The following LRRC42 variants were observed in gnomAD, a reference collection of about 807,000 sequenced individuals.
The protein encoded by LRRC42 is leucine rich repeat containing 42.
LRRC42 carries 43 observed loss-of-function variants against 44.3 expected under a neutral mutation model. The observed-to-expected ratio is 0.97, with a 90% CI of 0.76 to 1.25. The LOEUF is 1.25. LRRC42 is among the 50% of genes most tolerant of loss of function. The pLI, the probability that LRRC42 is intolerant of heterozygous loss-of-function variation, is 0.00. For synonymous variants in LRRC42, 207 were observed against 195.2 expected, an observed-to-expected ratio of 1.06 and a Z score of -0.50; for missense variants, 540 against 509.1, an observed-to-expected ratio of 1.06 and a Z score of -0.58.
chr1:53,951,887 G>A (rs962936764), intron 2 of LRRC42, 99 bp from the exon 3 acceptor site: 2 of 984,192 alleles, frequency 2.0e-6, no homozygotes, highest in Non-Finnish European at 1.5e-6. Flanking sequence ...CACCAGGCCT[G>A]CCTGGTAGGC....
At chr1:53,947,979 A>G (rs958480654) in intron 2 of LRRC42, 158 bp downstream of exon 2, 1 of 152,164 alleles carries the variant, frequency 6.6e-6, no homozygotes, top group African/African-American at 2.4e-5. Flanking sequence ...GCTCTGTTCT[A>G]GAGTAAGTTA....
At chr1:53,966,484 C>A in intron 8 of LRRC42, 104 bp downstream of exon 8, 1 of 746,376 alleles carries the variant, frequency 1.3e-6, no homozygotes, top group Non-Finnish European at 2.4e-6. Context: ...ATAGTATTGG[C>A]TTATTTATGA....
intron 3 of LRRC42, among the ~76,000 whole-genome samples, chr1:53,953,037 T>C (rs868629464): frequency 3.8e-4 from 58 of 152,380 alleles, no homozygotes; most frequent in Middle Eastern, 3.4e-3. Flanking sequence ...TTTACCGTCA[T>C]GTAAAAACAC....
intron 3 of LRRC42, among the ~76,000 whole-genome samples, chr1:53,956,291 T>G (rs1270661619): frequency 1.3e-5 from 2 of 152,258 alleles, no homozygotes; most frequent in Non-Finnish European, 2.9e-5. Context: ...TCCCTTGTGT[T>G]GAAACCCCAG....
At position 53,966,289 on chromosome 1, in the gene LRRC42, G is replaced by A. The variant is rs1655126661; in HGVS notation, c.928-7G>A. ...TTTGGATTCAAATCTTTCCAAATATGTTTCAGATCGTTCTGCAGTGGGAGC... is the reference window on the plus strand; with the variant it reads ...TTTGGATTCAAATCTTTCCAAATATATTTCAGATCGTTCTGCAGTGGGAGC... On this transcript the variant is annotated splice_region_variant and splice_polypyrimidine_tract_variant and intron_variant, in intron 7 of 8. Transcript: ENST00000371370. The A allele has an allele frequency of 1.9e-6, 3 of 1,609,232 alleles. No individual in the cohort carries two copies. The highest frequency in any genetic ancestry group is 2.6e-6 in the Non-Finnish European group (3 of 1,175,582).
chr1:53,966,391 C>A lies in LRRC42; in HGVS notation c.1012+11C>A, dbSNP rs1425227623. The A allele has an allele frequency of 1.9e-6, 3 of 1,607,808 alleles. No individual in the cohort carries two copies. In the Admixed American group the frequency reaches 5.0e-5, roughly 27 times the overall value. On this transcript the variant is annotated intron_variant, in intron 8 of 8. Coordinates refer to ENST00000371370, the MANE Select transcript of LRRC42 (RefSeq NM_001256409.2). ...CAGCTCAGCGCTTCTGTGAGAAATT[C>A]CCTTTCCTTTGAAGTTTTTTGCCCT... is the stretch of plus-strand genomic sequence containing the variant.
rs1654461077 is a variant in LRRC42 at position 53,946,523 on chromosome 1, C to G, written c.-75C>G. 6.6e-6 allele frequency: 1 copy of G among 152,004 alleles called. No homozygotes were observed. The highest frequency in any genetic ancestry group is 2.4e-5 in the African/African-American group (1 of 41,388). The allele number at this position is 152,004 out of a possible 1,614,324, so 9.4% of individuals were successfully genotyped here. ...GAGGGAGCCGTCACCGAGGAGCTGC[C>G]GCTCGCTGCCCCGGGCAGGGGCACA... On this transcript the variant is annotated 5_prime_UTR_variant, in exon 1 of 9. Coordinates refer to ENST00000371370, the MANE Select transcript of LRRC42 (RefSeq NM_001256409.2).
chr1:53,955,229 T>C (rs114236519), intron 3 of LRRC42, among the ~76,000 whole-genome samples: 2,056 of 152,298 alleles, frequency 0.013, 52 homozygotes, highest in African/African-American at 0.046. Context: ...TTTTTTCCAA[T>C]GAAAGTGATA....
chr1:53,955,065 T>C (rs1654792515), intron 3 of LRRC42, among the ~76,000 whole-genome samples: 2 of 152,188 alleles, frequency 1.3e-5, no homozygotes, highest in African/African-American at 4.8e-5. Flanking sequence ...TGATGAAATA[T>C]TATGTAACTA....
chr1:53,959,530 A>C (rs1417787313), intron 4 of LRRC42, among the ~76,000 whole-genome samples: 1 of 152,220 alleles, frequency 6.6e-6, no homozygotes, highest in Non-Finnish European at 1.5e-5. Context: ...GCTAGCCAGC[A>C]TCAAGGCTCA....
rs1655009102 is a variant in LRRC42 at position 53,962,076 on chromosome 1, CTTTTA to C, written c.768_772del (p.Phe257GlufsTer39). 1 of 1,613,914 alleles carries C rather than the reference CTTTTA, an allele frequency of 6.2e-7. No individual in the cohort carries two copies. The highest frequency in any genetic ancestry group is 1.3e-5 in the African/African-American group (1 of 74,912). On this transcript the variant is annotated frameshift_variant, in exon 6 of 9. Transcript: ENST00000371370. LOFTEE classifies it high-confidence loss of function. Reference sequence around the variant, plus strand: ...GATGCAGGCATTGGATACCTCTTTTCTTTTAGGAAACTAAACTGCTTAGATATCTC... The same window carrying C: ...GATGCAGGCATTGGATACCTCTTTTCGGAAACTAAACTGCTTAGATATCTC...
At chr1:53,953,725 A>C (rs767438914) in intron 3 of LRRC42, among the ~76,000 whole-genome samples, 1 of 151,354 alleles carries the variant, frequency 6.6e-6, no homozygotes, top group Non-Finnish European at 1.5e-5. Flanking sequence ...ATTAGACCTG[A>C]AAGGTAGCTT....
In LRRC42 at chr1:53,962,321, T is replaced by C. The variant is rs1196516422; in HGVS notation, c.839T>C (p.Leu280Pro). 1.9e-6 allele frequency: 3 copies of C among 1,614,044 alleles called. No homozygotes were observed. Among genetic ancestry groups the C allele is most frequent in the Non-Finnish European group, 2.5e-6 (3 of 1,179,874 alleles). The change falls in exon 7 of 9, where the codon CTC (leucine) becomes CCC (proline). Residue 280 changes from leucine to proline, a missense_variant. Physicochemically the swap from Leu to Pro is moderately conservative, Grantham distance 98 (BLOSUM62 -3). Transcript: ENST00000371370. ...LKDIKTVKHK[L>P]QTHIGLVHSK... ...GACATCAAAACCGTCAAGCACAAGC[T>C]CCAGACCCACATAGGCCTTGTTCAC... is the stretch of plus-strand genomic sequence containing the variant.
chr1:53,962,535 C>T, intron 7 of LRRC42, 126 bp downstream of exon 7: 2 of 676,166 alleles, frequency 3.0e-6, no homozygotes, highest in East Asian at 2.7e-5. Context: ...ATCTTCATGT[C>T]AAATTGGAGA....
intron 8 of LRRC42, among the ~76,000 whole-genome samples, chr1:53,967,375 A>T (rs998560484): frequency 7.9e-5 from 12 of 152,162 alleles, no homozygotes; most frequent in Non-Finnish European, 1.8e-4. Flanking sequence ...TAGGTTTTGT[A>T]TCCCTCTAGA....
intron 1 of LRRC42, among the ~76,000 whole-genome samples, chr1:53,946,835 G>T (rs1654491389): frequency 6.6e-6 from 1 of 151,518 alleles, no homozygotes; most frequent in South Asian, 2.1e-4. Flanking sequence ...TGCTTGGGGA[G>T]AGAGCGGGAA....
chr1:53,950,093 G>C (rs1485005932), intron 2 of LRRC42, among the ~76,000 whole-genome samples: 1 of 152,228 alleles, frequency 6.6e-6, no homozygotes, highest in Non-Finnish European at 1.5e-5. Context: ...ATAGTACATG[G>C]TCCTAAGTGC....
At position 53,962,418 on chromosome 1, in the gene LRRC42, G is replaced by A; in HGVS notation, c.927+9G>A. 1.3e-6 allele frequency: 2 copies of A among 1,563,228 alleles called. No homozygotes were observed. The highest frequency in any genetic ancestry group is 1.8e-6 in the Non-Finnish European group (2 of 1,134,032). On this transcript the variant is annotated intron_variant, in intron 7 of 8. Transcript: ENST00000371370. The stretch of plus-strand genomic sequence containing the variant: ...AGGGCTGGGCTGACCAGGTACTCCA[G>A]ATTTTTCTTCCTTGCGGTTGATGCA...
In LRRC42 at chr1:53,957,406, A is replaced by G. The variant is rs146662309; in HGVS notation, c.474-743A>G. Among the ~76,000 whole-genome samples the G allele has an allele frequency of 5.3e-3, 803 of 152,318 alleles. 6 individuals carry two copies. Among genetic ancestry groups the G allele is most frequent in the Non-Finnish European group, 8.5e-3 (580 of 68,016 alleles). On this transcript the variant is annotated intron_variant, in intron 3 of 8. Transcript: ENST00000371370. ...ATCTGAGATAGATGAACCACTAGAAAGCAGGGTGGAGGCCCCAGCCTGGGC... is the reference window on the plus strand; with the variant it reads ...ATCTGAGATAGATGAACCACTAGAAGGCAGGGTGGAGGCCCCAGCCTGGGC...
Sources: gnomAD v4.1 joint callset for allele counts (sites outside exome capture counted in the v4.1 genomes callset) on GRCh38, gnomAD v4.1.1 for gene constraint, MANE v1.5 for transcripts, NCBI Gene and HGNC (gene_info 2026-07-23, HGNC 2026-07-21) for gene names.